Variants in DNAJC7 observed in about 807,000 individuals in gnomAD.
The protein encoded by DNAJC7 is DnaJ heat shock protein family (Hsp40) member C7, also known as dnaJ homolog subfamily C member 7.
Under a neutral mutation model 67.4 loss-of-function variants are expected in DNAJC7, and 18 were observed. The observed-to-expected ratio is 0.27, with a 90% CI of 0.18 to 0.40. The LOEUF (loss-of-function observed/expected upper bound fraction) is 0.40. Among genes scored for constraint, DNAJC7 ranks in the 10% least tolerant of loss-of-function variants. The pLI is 1.00. For missense variants in DNAJC7, 419 were observed against 613.8 expected (o/e 0.68, Z 3.35); for synonymous variants, 220 against 207.8 (o/e 1.06, Z -0.50).
chr17:41,987,595 C>A (rs530091625), intron 9 of DNAJC7: 2 of 488,548 alleles, frequency 4.1e-6, no homozygotes, highest in Non-Finnish European at 3.6e-6. Context: ...ACTTACTGAC[C>A]GTGAGGGGCG....
chr17:41,987,663 A>G (rs1555647071), intron 9 of DNAJC7, 156 bp downstream of exon 9: 1 of 582,370 alleles, frequency 1.7e-6, no homozygotes. Context: ...CTGGAGGTCT[A>G]TAAAGATAGT....
In DNAJC7 at chr17:41,981,960, T is replaced by A. The variant is rs1555646040; in HGVS notation, c.1279A>T (p.Lys427Ter). Residue 427 changes from lysine (K) to a stop codon, truncating the protein, a stop_gained, in exon 12 of 14, where the codon AAG becomes TAG. Transcript: ENST00000457167. LOFTEE classifies it high-confidence loss of function. ...AAGGCCTCTCCAACTTCCTTGAACT[T>A]CTTCTCCTCCTCCTTCTGAACCTCA... The part of the protein sequence containing the change: ...SAEVQKEEEK[K>*]FKEVGEAFTI... 1 of 1,614,000 alleles carries A rather than the reference T, an allele frequency of 6.2e-7. No individual in the cohort carries two copies. The highest frequency in any genetic ancestry group is 1.1e-5 in the South Asian group (1 of 91,086).
intron 9 of DNAJC7, 52 bp from the exon 10 acceptor site, chr17:41,983,688 T>C: frequency 1.3e-6 from 2 of 1,514,616 alleles, no homozygotes; most frequent in Non-Finnish European, 1.8e-6. Flanking sequence ...TAGCAGTGGT[T>C]CTCAGGATCA....
chr17:41,979,246 G>C (rs1409882720), intron 12 of DNAJC7, among the ~76,000 whole-genome samples: 1 of 151,902 alleles, frequency 6.6e-6, no homozygotes, highest in Non-Finnish European at 1.5e-5. Flanking sequence ...GGCTGAGGCA[G>C]GAGAATTTCT....
At chr17:41,978,771 T>C (rs2051161079) in intron 12 of DNAJC7, among the ~76,000 whole-genome samples, 1 of 152,232 alleles carries the variant, frequency 6.6e-6, no homozygotes, top group Non-Finnish European at 1.5e-5. Context: ...TCCCAGCTAC[T>C]TGGGAGGCTA....
At chr17:42,005,789 G>A (rs1293920896) in intron 1 of DNAJC7, among the ~76,000 whole-genome samples, 5 of 151,838 alleles carry the variant, frequency 3.3e-5, no homozygotes, top group African/African-American at 1.2e-4. Flanking sequence ...CACCCAGGCT[G>A]GAGTGCAGTG....
At chr17:42,011,470 T>G (rs1332386665) in intron 1 of DNAJC7, 1 of 152,224 alleles carries the variant, frequency 6.6e-6, no homozygotes, top group Non-Finnish European at 1.5e-5. Context: ...AGAACCTTTC[T>G]CTGTACTCTA....
At chr17:41,991,658 T>C (rs557217306) in intron 5 of DNAJC7, among the ~76,000 whole-genome samples, 1 of 152,272 alleles carries the variant, frequency 6.6e-6, no homozygotes, top group South Asian at 2.1e-4. Context: ...CATCACTGAA[T>C]ATTTTTCATA....
chr17:41,993,311 T>G (rs1292408879), intron 5 of DNAJC7, among the ~76,000 whole-genome samples: 1 of 151,828 alleles, frequency 6.6e-6, no homozygotes. Context: ...CACAAAAAAT[T>G]AGCTGGGCGT....
At chr17:41,979,113 C>T (rs538820773) in intron 12 of DNAJC7, among the ~76,000 whole-genome samples, 8 of 150,528 alleles carry the variant, frequency 5.3e-5, no homozygotes, top group Non-Finnish European at 8.9e-5. Flanking sequence ...CCAAGATGGG[C>T]GGATCACACA....
intron 9 of DNAJC7, 119 bp from the exon 10 acceptor site, chr17:41,983,755 C>T: frequency 2.5e-5 from 19 of 761,416 alleles, no homozygotes; most frequent in Non-Finnish European, 3.8e-5. Flanking sequence ...TAAGATGCTT[C>T]AGAAACAGGA....
intron 1 of DNAJC7, chr17:42,000,845 T>G (rs1200537457): frequency 4.2e-6 from 1 of 239,356 alleles, no homozygotes; most frequent in Non-Finnish European, 8.0e-6. Context: ...CCTCACTATT[T>G]CTGCCTGTAG....
At chr17:41,989,685 C>A in intron 6 of DNAJC7, 128 bp from the exon 7 acceptor site, 1 of 1,235,148 alleles carries the variant, frequency 8.1e-7, no homozygotes, top group Non-Finnish European at 1.1e-6. Flanking sequence ...TAGACAGATT[C>A]CCAAGAACTG....
intron 1 of DNAJC7, among the ~76,000 whole-genome samples, chr17:42,009,536 G>A (rs1014301928): frequency 6.6e-6 from 1 of 152,216 alleles, no homozygotes; most frequent in Admixed American, 6.5e-5. Context: ...GGAAATACTT[G>A]TCTCAACGGT....
intron 9 of DNAJC7, among the ~76,000 whole-genome samples, chr17:41,986,937 T>G (rs2051399004): frequency 6.6e-6 from 1 of 152,172 alleles, no homozygotes; most frequent in Non-Finnish European, 1.5e-5. Flanking sequence ...GCATCTGTTC[T>G]TTGGATATGA....
Position 41,989,398 on chromosome 17 carries a change from A to C in DNAJC7, c.753+6T>G. 6.2e-7 allele frequency: 1 copy of C among 1,613,706 alleles called. No homozygotes were observed. The highest frequency in any genetic ancestry group is 8.5e-7 in the Non-Finnish European group (1 of 1,179,810). On this transcript the variant is annotated splice_donor_region_variant and intron_variant, in intron 7 of 13. Transcript: ENST00000457167. ...TTCCCAGTTAGGTCTGGTGACTAGA[A>C]CTTACTCTGCAGGCAATGCAGGCCT... is the stretch of plus-strand genomic sequence containing the variant.
At position 41,982,280 on chromosome 17, in the gene DNAJC7, C is replaced by G; in HGVS notation, c.1206G>C (p.Arg402=). 1 of 1,614,042 alleles carries G rather than the reference C, an allele frequency of 6.2e-7. No individual in the cohort carries two copies. Among genetic ancestry groups the G allele is most frequent in the Non-Finnish European group, 8.5e-7 (1 of 1,179,900 alleles). Residue 402 remains arginine (R), a synonymous_variant, in exon 11 of 14, where the codon CGG becomes CGC. Coordinates refer to ENST00000457167, the MANE Select transcript of DNAJC7 (RefSeq NM_003315.4). ...CTGGATGGTGCATCAAGGCCCGTTT[C>G]CGATAAGCTTTCTTGATCTCGTCCT... ...ASEDEIKKAY[R]KRALMHHPDR... is the part of the protein sequence containing the mutation.
intron 1 of DNAJC7, among the ~76,000 whole-genome samples, chr17:42,009,903 G>T (rs1044472009): frequency 4.6e-5 from 7 of 152,176 alleles, no homozygotes; most frequent in Non-Finnish European, 8.8e-5. Context: ...CCAGCACTTG[G>T]GAGGCCGAGG....
intron 7 of DNAJC7, 50 bp from the exon 8 acceptor site, chr17:41,988,946 A>T: frequency 6.3e-7 from 1 of 1,593,876 alleles, no homozygotes; most frequent in Non-Finnish European, 8.5e-7. Flanking sequence ...AAAGCCTCAG[A>T]CCATTGCACA....
Sources: allele counts gnomAD v4.1 joint callset (sites outside exome capture counted in the v4.1 genomes callset), GRCh38; gene constraint gnomAD v4.1.1; transcripts MANE v1.5; gene names NCBI Gene and HGNC (gene_info 2026-07-23, HGNC 2026-07-21).